SFXN5: variants seen among roughly 807,000 people sequenced by gnomAD.
SFXN5 encodes the protein sideroflexin-5.
Under a neutral mutation model 50.2 loss-of-function variants are expected in SFXN5, and 43 were observed. That is an observed-to-expected ratio of 0.86 (90% CI 0.67 to 1.11). The LOEUF is 1.11. Ranked by LOEUF, SFXN5 falls within the 50% of genes least tolerant of loss-of-function variation. The pLI is 0.00. For synonymous variants in SFXN5, 203 were observed against 185.8 expected (o/e 1.09, Z -0.75); for missense variants, 463 against 454.1 (o/e 1.02, Z -0.18).
intron 2 of SFXN5, among the ~76,000 whole-genome samples, chr2:73,047,333 A>G (rs1177663653): frequency 1.9e-4 from 25 of 129,494 alleles, no homozygotes; most frequent in East Asian, 4.5e-4. Context: ...ATATATGTGT[A>G]TATATATGTA....
In SFXN5 at chr2:72,950,385, T is replaced by C. The variant is rs1421451438; in HGVS notation, c.946-5286A>G. Among the ~76,000 whole-genome samples, 3 of 152,178 alleles carry C rather than the reference T, an allele frequency of 2.0e-5. No homozygotes were observed. Among genetic ancestry groups the C allele is most frequent in the Non-Finnish European group, 4.4e-5 (3 of 68,010 alleles). On this transcript the variant is annotated intron_variant, in intron 13 of 13. Coordinates refer to ENST00000272433, the MANE Select transcript of SFXN5 (RefSeq NM_144579.3). This position sits in a 1 kb window ranked among gnomAD's most constrained non-coding sequence, Gnocchi z 4.2. ...CCCACCTCATGCTGATCCTGGTTCA[T>C]AGCCTCTCACTCTATCCCAGGCCAA...
intron 1 of SFXN5, among the ~76,000 whole-genome samples, chr2:73,061,959 T>A (rs983174331): frequency 1.6e-4 from 25 of 151,940 alleles, no homozygotes; most frequent in African/African-American, 6.0e-4. Flanking sequence ...CTACAAAAAA[T>A]TTTAAAAATT....
intron 10 of SFXN5, among the ~76,000 whole-genome samples, chr2:72,972,614 T>C (rs1048078960): frequency 6.6e-6 from 1 of 152,024 alleles, no homozygotes; most frequent in Non-Finnish European, 1.5e-5. Flanking sequence ...CGTGGCCCAG[T>C]GCAGTGTGGG....
rs1675583990 is a variant in SFXN5 at position 73,012,169 on chromosome 2, A to G, written c.357+8070T>C. On this transcript the variant is annotated intron_variant, in intron 6 of 13. Transcript: ENST00000272433. ...CTTTAAATGACTTAAATGTATGCAG[A>G]TATCTAGAAAAAGCCTAGAGGCACA... Among the ~76,000 whole-genome samples, 6 of 152,242 alleles carry G rather than the reference A, an allele frequency of 3.9e-5. 1 individual carries two copies. The South Asian group carries it at 1.2e-3, about 32-fold the overall frequency.
chr2:73,042,363 C>T (rs967256417), intron 2 of SFXN5: 10 of 152,122 alleles, frequency 6.6e-5, no homozygotes, highest in Admixed American at 2.6e-4. Flanking sequence ...GCCTGTAATC[C>T]CAGCACTTTG....
At chr2:73,053,600 C>G (rs1412752759) in intron 2 of SFXN5, 3 of 152,208 alleles carry the variant, frequency 2.0e-5, no homozygotes, top group African/African-American at 7.2e-5. Flanking sequence ...ATTACACATA[C>G]AAGGGTTGGG....
In SFXN5 at chr2:73,070,950, T is replaced by TC. The variant is rs1683548730; in HGVS notation, c.102+653dup. The TC allele has an allele frequency of 2.6e-5, 4 of 152,362 alleles. No individual in the cohort carries two copies. In the South Asian group the frequency reaches 6.2e-4, roughly 23 times the overall value. The allele number at this position is 152,362 out of a possible 1,614,324, so 9.4% of individuals were successfully genotyped here. A position where few individuals can be genotyped will look rare whatever the true frequency, so the allele number is the denominator to read the frequency against. Reference sequence around the variant, plus strand: ...GTTTCCCCCGCACGCCCTGGCTGCGTCCCCTCAGGGCATCGGCCGGCTTGC... The same window carrying TC: ...GTTTCCCCCGCACGCCCTGGCTGCGTCCCCCTCAGGGCATCGGCCGGCTTGC... On this transcript the variant is annotated intron_variant, in intron 1 of 13. Transcript: ENST00000272433.
At chr2:73,001,714 G>A (rs1673939661) in intron 6 of SFXN5, 136 bp from the exon 7 acceptor site, 1 of 782,400 alleles carries the variant, frequency 1.3e-6, no homozygotes, top group Non-Finnish European at 2.1e-6. Flanking sequence ...CATACAAACT[G>A]AGGTTCATTG....
chr2:72,958,701 C>A (rs1248962811), intron 13 of SFXN5, among the ~76,000 whole-genome samples: 6 of 5,718 alleles, frequency 1.0e-3, no homozygotes, highest in Admixed American at 0.01. Context: ...CTGAGAAATA[C>A]CCGCCTTCCC....
At chr2:73,038,351 T>C (rs1251254357) in intron 3 of SFXN5, among the ~76,000 whole-genome samples, 1 of 152,224 alleles carries the variant, frequency 6.6e-6, no homozygotes, top group Non-Finnish European at 1.5e-5. Context: ...TTACCATGAA[T>C]GGAGCTTGCA....
intron 12 of SFXN5, among the ~76,000 whole-genome samples, chr2:72,965,594 G>A (rs997557241): frequency 1.3e-5 from 2 of 152,072 alleles, no homozygotes; most frequent in African/African-American, 2.4e-5. Context: ...CCGTGGGGTC[G>A]GAGCCCCACA....
In SFXN5 at chr2:72,960,120, G is replaced by A. The variant is rs748050503; in HGVS notation, c.945+1011C>T. 4.0e-5 allele frequency among the ~76,000 whole-genome samples: 6 copies of A among 151,658 alleles called. No homozygotes were observed. Among genetic ancestry groups the A allele is most frequent in the Non-Finnish European group, 7.4e-5 (5 of 67,940 alleles). On this transcript the variant is annotated intron_variant, in intron 13 of 13. Coordinates refer to ENST00000272433, the MANE Select transcript of SFXN5 (RefSeq NM_144579.3). This position sits in a 1 kb window ranked among gnomAD's most constrained non-coding sequence, Gnocchi z 6.1. ...GGTGGAGGCCTCACCCACCACCCTC[G>A]ATTCCAGCACTGTTGTCATGCTGGT...
At chr2:73,020,590 T>C (rs1031017626) in intron 5 of SFXN5, among the ~76,000 whole-genome samples, 3 of 152,198 alleles carry the variant, frequency 2.0e-5, no homozygotes, top group Admixed American at 6.5e-5. Flanking sequence ...TACGATTTCC[T>C]GCGAGGCACG....
At chr2:73,046,408 C>CAA (rs113423799) in intron 2 of SFXN5, among the ~76,000 whole-genome samples, 172 of 108,068 alleles carry the variant, frequency 1.6e-3, no homozygotes, top group African/African-American at 4.1e-3. Context: ...GACTCCATCT[C>CAA]AAAAAAAAAA....
rs1670308058 is a variant in SFXN5 at position 72,973,815 on chromosome 2, T to A, written c.626-2130A>T. On this transcript the variant is annotated intron_variant, in intron 10 of 13. Coordinates refer to ENST00000272433, the MANE Select transcript of SFXN5 (RefSeq NM_144579.3). This position sits in a 1 kb window ranked among gnomAD's most constrained non-coding sequence, Gnocchi z 5.5. ...CTAGTGGCCTTAGGGAGGCTATGCATCCCCCATGCCCTTGGAGCTGCCAGG... is the reference window on the plus strand; with the variant it reads ...CTAGTGGCCTTAGGGAGGCTATGCAACCCCCATGCCCTTGGAGCTGCCAGG... 6.6e-6 allele frequency among the ~76,000 whole-genome samples: 1 copy of A among 152,118 alleles called. No homozygotes were observed. The highest frequency in any genetic ancestry group is 1.5e-5 in the Non-Finnish European group (1 of 68,012).
At position 72,960,452 on chromosome 2, in the gene SFXN5, G is replaced by A. The variant is rs1673592407; in HGVS notation, c.945+679C>T. 1.3e-5 allele frequency among the ~76,000 whole-genome samples: 2 copies of A among 151,972 alleles called. No homozygotes were observed. The highest frequency in any genetic ancestry group is 1.3e-4 in the Admixed American group (2 of 15,262). On this transcript the variant is annotated intron_variant, in intron 13 of 13. Transcript: ENST00000272433. This position sits in a 1 kb window ranked among gnomAD's most constrained non-coding sequence, Gnocchi z 6.1. ...CTTCTCTCCATGCCCACTGCCAACAGCCTGGTCCAAGCCGCCATCACCGCT... is the reference window on the plus strand; with the variant it reads ...CTTCTCTCCATGCCCACTGCCAACAACCTGGTCCAAGCCGCCATCACCGCT...
intron 6 of SFXN5, among the ~76,000 whole-genome samples, chr2:73,013,444 T>TGTGTGTGTGTGTGTGTGTG (rs1553518120): frequency 6.7e-6 from 1 of 148,470 alleles, no homozygotes; most frequent in African/African-American, 2.5e-5. Context: ...TGTGTGTGTG[T>TGTGTGTGTGTGTGTGTGTG]TTGAGAGATA....
intron 13 of SFXN5, chr2:72,957,251 A>C (rs1358349712): frequency 5.7e-6 from 2 of 353,010 alleles, no homozygotes; most frequent in Non-Finnish European, 5.7e-6. Context: ...AAGGGGCATT[A>C]GGAAGACTTA....
At chr2:73,019,130 T>C (rs957903318) in intron 6 of SFXN5, among the ~76,000 whole-genome samples, 19 of 152,166 alleles carry the variant, frequency 1.2e-4, no homozygotes, top group Non-Finnish European at 1.8e-4. Context: ...ATGTTACAGA[T>C]AACAATATGA....
Sources: gnomAD v4.1 joint callset for allele counts (sites outside exome capture counted in the v4.1 genomes callset) on GRCh38, gnomAD v4.1.1 for gene constraint, Gnocchi (gnomAD v3.1) non-coding constraint, MANE v1.5 for transcripts, NCBI Gene and HGNC (gene_info 2026-07-23, HGNC 2026-07-21) for gene names.